Variants in ACBD6 observed in about 807,000 individuals in gnomAD.
ACBD6 encodes acyl-CoA-binding domain-containing protein 6.
ACBD6 carries 28 observed loss-of-function variants against 37.2 expected under a neutral mutation model. The observed-to-expected ratio is 0.75, with a 90% CI of 0.56 to 1.03. The LOEUF is 1.03. ACBD6 is among the 50% of genes least tolerant of loss of function. ACBD6 has a pLI of 0.00. For missense variants in ACBD6, 340 were observed against 337.4 expected, an observed-to-expected ratio of 1.01 and a Z score of -0.06; for synonymous variants, 113 against 126.8, an observed-to-expected ratio of 0.89 and a Z score of 0.73.
At chr1:180,440,663 T>C in intron 3 of ACBD6, among the ~76,000 whole-genome samples, 1 of 147,916 alleles carries the variant, frequency 6.8e-6, no homozygotes, top group African/African-American at 2.5e-5. Flanking sequence ...CATTCCCCTC[T>C]CCCCCAAACC....
intron 6 of ACBD6, among the ~76,000 whole-genome samples, chr1:180,337,119 A>T (rs903086495): frequency 6.6e-6 from 1 of 152,208 alleles, no homozygotes; most frequent in Non-Finnish European, 1.5e-5. Flanking sequence ...ATTCCAATTA[A>T]TAGAAAAGAG....
intron 3 of ACBD6, among the ~76,000 whole-genome samples, chr1:180,477,978 T>TAAAAAAAAAAAAAAA (rs58326495): frequency 7.6e-5 from 11 of 145,126 alleles, no homozygotes; most frequent in African/African-American, 2.3e-4. Flanking sequence ...TCCATCTCTT[T>TAAAAAAAAAAAAAAA]AAAAAAAAAA....
intron 12 of ACBD6, chr1:180,272,918 A>G (rs1648770711): frequency 6.6e-6 from 1 of 152,240 alleles, no homozygotes; most frequent in Non-Finnish European, 1.5e-5. Context: ...GATCGTTCCC[A>G]CAGGGAGCGT....
chr1:180,325,146 G>T (rs542633788), intron 6 of ACBD6, among the ~76,000 whole-genome samples: 2 of 151,926 alleles, frequency 1.3e-5, no homozygotes, highest in Non-Finnish European at 2.9e-5. Flanking sequence ...TTCTAGATTT[G>T]GGAAGTTCTC....
rs112798274 is a variant in ACBD6, at chr1:180,480,584, C to T, written c.384+11685G>A. 5.7e-3 allele frequency among the ~76,000 whole-genome samples: 863 copies of T among 152,210 alleles called. 6 individuals are homozygous for T. The highest frequency in any genetic ancestry group is 0.019 in the African/African-American group (801 of 41,540). On this transcript the variant is annotated intron_variant, in intron 3 of 7. Transcript: ENST00000367595. ...ACCTGTTGAGTCTGAAGTGCCAATG[C>T]AACACTAAACAGAAATGCTCAATAA...
At chr1:180,435,802 G>A in intron 3 of ACBD6, 1 of 944,048 alleles carries the variant, frequency 1.1e-6, no homozygotes, top group Non-Finnish European at 1.7e-6. Context: ...CGGCTAAAGT[G>A]AATAACTCCA....
At position 180,274,458 on chromosome 1, in the gene ACBD6, C is replaced by T. The variant is rs200119009; in HGVS notation, c.*936+193G>A. On this transcript the variant is annotated intron_variant, in intron 10 of 13. Coordinates refer to the ACBD6 transcript ENST00000642319. ...CATGCAGGGCAGGGAGTAAGCCAGA[C>T]GCTGAGAGCCATGGCTGGGGGACCC... The T allele has an allele frequency of 1.5e-4, 240 of 1,614,196 alleles. No homozygotes were observed. Among genetic ancestry groups the T allele is most frequent in the South Asian group, 6.6e-4 (60 of 91,090 alleles).
chr1:180,349,947 T>A (rs1238988226), intron 6 of ACBD6, among the ~76,000 whole-genome samples: 4 of 151,818 alleles, frequency 2.6e-5, no homozygotes, highest in Non-Finnish European at 4.4e-5. Flanking sequence ...TCCTAACAAC[T>A]GCATAATTTT....
chr1:180,317,632 A>G (rs1352621272), intron 6 of ACBD6, among the ~76,000 whole-genome samples: 1 of 152,240 alleles, frequency 6.6e-6, no homozygotes, highest in Non-Finnish European at 1.5e-5. Flanking sequence ...AAGTATTCAC[A>G]AAGAAAAAAG....
chr1:180,325,870 C>T (rs1651242606), intron 6 of ACBD6, among the ~76,000 whole-genome samples: 2 of 152,158 alleles, frequency 1.3e-5, no homozygotes, highest in Admixed American at 1.3e-4. Flanking sequence ...TATTTTCTCC[C>T]AAACAAATGG....
chr1:180,279,234 C>CTT (rs1005317319), intron 9 of ACBD6, among the ~76,000 whole-genome samples: 34 of 152,206 alleles, frequency 2.2e-4, no homozygotes, highest in African/African-American at 7.5e-4. Context: ...TGCCCCCAGA[C>CTT]TTAGGAAATG....
chr1:180,438,327 C>T (rs887772082), intron 3 of ACBD6: 1 of 152,878 alleles, frequency 6.5e-6, no homozygotes, highest in Admixed American at 6.5e-5. Context: ...TGTTTCTGTC[C>T]TTTGCCTACT....
chr1:180,496,017 C>T (rs1337987801), intron 1 of ACBD6, among the ~76,000 whole-genome samples: 1 of 152,002 alleles, frequency 6.6e-6, no homozygotes, highest in East Asian at 1.9e-4. Flanking sequence ...TTTAAAGTAC[C>T]CTATTATGAA....
chr1:180,494,877 T>C (rs1307669246), intron 2 of ACBD6, among the ~76,000 whole-genome samples: 8 of 152,194 alleles, frequency 5.3e-5, no homozygotes, highest in Admixed American at 5.2e-4. Flanking sequence ...TAAAAAAGTT[T>C]GCAAAAGTAT....
At chr1:180,409,839 C>T (rs547185485) in intron 5 of ACBD6, among the ~76,000 whole-genome samples, 70 of 152,232 alleles carry the variant, frequency 4.6e-4, no homozygotes, top group African/African-American at 1.5e-3. Context: ...AGGGCTGCAC[C>T]GTCTCTCACC....
chr1:180,375,166 A>T (rs979623545), intron 6 of ACBD6, among the ~76,000 whole-genome samples: 16 of 152,336 alleles, frequency 1.1e-4, no homozygotes, highest in Non-Finnish European at 1.8e-4. Flanking sequence ...AAACTATGAA[A>T]GAGAAATACC....
chr1:180,465,015 G>A (rs570055245), intron 3 of ACBD6, among the ~76,000 whole-genome samples: 13 of 151,866 alleles, frequency 8.6e-5, no homozygotes, highest in Admixed American at 2.0e-4. Context: ...TCCTTACATC[G>A]TACACAAAAA....
chr1:180,499,437 G>A (rs1651863568), intron 1 of ACBD6, among the ~76,000 whole-genome samples: 1 of 152,164 alleles, frequency 6.6e-6, no homozygotes, highest in Non-Finnish European at 1.5e-5. Flanking sequence ...TTCTTGAAAG[G>A]ATGAGGGACA....
At chr1:180,350,730 A>G (rs1407331590) in intron 6 of ACBD6, among the ~76,000 whole-genome samples, 2 of 152,204 alleles carry the variant, frequency 1.3e-5, no homozygotes, top group African/African-American at 4.8e-5. Context: ...GCCACAATTC[A>G]TAACTGAAGA....
Sources: gnomAD v4.1 joint callset for allele counts (sites outside exome capture counted in the v4.1 genomes callset) on GRCh38, gnomAD v4.1.1 for gene constraint, MANE v1.5 for transcripts, NCBI Gene and HGNC (gene_info 2026-07-23, HGNC 2026-07-21) for gene names.